MYO3A: variants seen among roughly 807,000 people sequenced by gnomAD.
MYO3A encodes myosin-IIIa.
MYO3A carries 180 observed loss-of-function variants against 192.7 expected under a neutral mutation model. The ratio of observed to expected loss-of-function variants is 0.93; its 90% CI spans 0.83 to 1.06. The LOEUF is 1.06. MYO3A is among the 50% of genes least tolerant of loss of function. The pLI, the probability that MYO3A is intolerant of heterozygous loss-of-function variation, is 0.00. For missense variants in MYO3A, 1,896 were observed against 1,905.0 expected, an observed-to-expected ratio of 1.00 and a Z score of 0.09; for synonymous variants, 628 against 645.3, an observed-to-expected ratio of 0.97 and a Z score of 0.41.
At chr10:25,935,534 A>G (rs1424403167) in intron 1 of MYO3A, among the ~76,000 whole-genome samples, 1 of 152,244 alleles carries the variant, frequency 6.6e-6, no homozygotes, top group East Asian at 1.9e-4. Context: ...CGGATCTGGT[A>G]GCTTGAGAGT....
At chr10:26,134,510 GTAT>G (rs1839736599) in intron 20 of MYO3A, among the ~76,000 whole-genome samples, 1 of 152,058 alleles carries the variant, frequency 6.6e-6, no homozygotes, top group Non-Finnish European at 1.5e-5. Flanking sequence ...TTTCATTAAA[GTAT>G]TATTAAAATA....
At chr10:26,178,950 A>T (rs181827178) in intron 31 of MYO3A, among the ~76,000 whole-genome samples, 3 of 145,848 alleles carry the variant, frequency 2.1e-5, no homozygotes, top group East Asian at 2.1e-4. Context: ...TCCAGGCGCC[A>T]GCCACCACGC....
intron 20 of MYO3A, among the ~76,000 whole-genome samples, chr10:26,130,172 T>C (rs557503178): frequency 6.6e-6 from 1 of 152,198 alleles, no homozygotes; most frequent in African/African-American, 2.4e-5. Context: ...TGGGGTGGTG[T>C]TGGCTGACTG....
rs562803670 is a variant in MYO3A at position 26,119,857 on chromosome 10, A to G, written c.1777-819A>G. On this transcript the variant is annotated intron_variant, in intron 17 of 34. Coordinates refer to ENST00000642920, the MANE Select transcript of MYO3A (RefSeq NM_017433.5). ...TAACTACTATAAACTCTATACTGTCATCTAAAATTCTTATGTGGCCTGGCA... is the reference window on the plus strand; with the variant it reads ...TAACTACTATAAACTCTATACTGTCGTCTAAAATTCTTATGTGGCCTGGCA... Among the ~76,000 whole-genome samples, 6 of 152,266 alleles carry G rather than the reference A, an allele frequency of 3.9e-5. No homozygotes were observed. In the South Asian group the frequency reaches 1.2e-3, roughly 32 times the overall value.
intron 10 of MYO3A, among the ~76,000 whole-genome samples, chr10:26,027,464 A>AC (rs901199995): frequency 3.6e-4 from 55 of 151,644 alleles, no homozygotes; most frequent in African/African-American, 1.1e-3. Flanking sequence ...CCTTCTTCAG[A>AC]CCCCCAAGTA....
At chr10:26,120,943 T>G in intron 18 of MYO3A, 141 bp downstream of exon 18, 1 of 1,104,440 alleles carries the variant, frequency 9.1e-7, no homozygotes. Context: ...TGTGTAAAAT[T>G]AAAATTTTAA....
intron 34 of MYO3A, among the ~76,000 whole-genome samples, chr10:26,210,025 C>G (rs961343380): frequency 6.8e-6 from 1 of 147,154 alleles, no homozygotes; most frequent in Non-Finnish European, 1.5e-5. Flanking sequence ...ATCAGTTGAG[C>G]TTTGGAGGTT....
chr10:25,971,426 T>A (rs919384773), intron 4 of MYO3A, among the ~76,000 whole-genome samples: 2 of 152,318 alleles, frequency 1.3e-5, no homozygotes, highest in African/African-American at 4.8e-5. Context: ...AATAAAATAA[T>A]TATCATTACT....
chr10:26,045,856 C>G (rs1843610866), intron 10 of MYO3A, among the ~76,000 whole-genome samples: 1 of 152,146 alleles, frequency 6.6e-6, no homozygotes, highest in Non-Finnish European at 1.5e-5. Context: ...ACAAGGTTGT[C>G]CATGCTTCAT....
In MYO3A at chr10:26,062,530, A is replaced by AAAAAAAAAAAAAAAAAAAACG. The variant is rs1554816581; in HGVS notation, c.954-4442_954-4441insAAAAAAAAAAAAAAAACGAAA. Among the ~76,000 whole-genome samples the AAAAAAAAAAAAAAAAAAAACG allele has an allele frequency of 1.8e-4, 23 of 125,990 alleles. 1 individual carries two copies. Among genetic ancestry groups the AAAAAAAAAAAAAAAAAAAACG allele is most frequent in the Admixed American group, 2.5e-4 (3 of 12,218 alleles). The allele number at this position is 125,990 out of a possible 152,430, so 82.7% of individuals were successfully genotyped here. On this transcript the variant is annotated intron_variant, in intron 10 of 34. Transcript: ENST00000642920. ...GATGCCATCTCAAAAAAAAAAAAAA[A>AAAAAAAAAAAAAAAAAAAACG]AAATTATGGAGGAATCTAATTAAGA...
chr10:26,052,702 A>T (rs1398526443), intron 10 of MYO3A, among the ~76,000 whole-genome samples: 1 of 152,212 alleles, frequency 6.6e-6, no homozygotes, highest in Non-Finnish European at 1.5e-5. Flanking sequence ...CTCCTTAATC[A>T]CCTTAGGTGA....
chr10:26,039,506 T>C (rs1263095459), intron 10 of MYO3A, among the ~76,000 whole-genome samples: 1 of 152,104 alleles, frequency 6.6e-6, no homozygotes. Context: ...AGTGAAGCCA[T>C]TGGGTCCCAG....
chr10:26,178,557 A>G (rs1267487357), intron 31 of MYO3A, among the ~76,000 whole-genome samples: 2 of 151,496 alleles, frequency 1.3e-5, no homozygotes, highest in African/African-American at 4.8e-5. Context: ...TGTCTCAAAA[A>G]AAAAAAAAGC....
intron 14 of MYO3A, among the ~76,000 whole-genome samples, chr10:26,078,452 G>C (rs1835733562): frequency 6.6e-6 from 1 of 151,882 alleles, no homozygotes; most frequent in Non-Finnish European, 1.5e-5. Context: ...CAAAGAACCA[G>C]CTTTTTGTTT....
chr10:26,167,553 T>C (rs1035979455), intron 27 of MYO3A, among the ~76,000 whole-genome samples: 15 of 152,232 alleles, frequency 9.9e-5, no homozygotes, highest in African/African-American at 3.6e-4. Flanking sequence ...GATATTTAAG[T>C]AGCATTTTAA....
intron 17 of MYO3A, among the ~76,000 whole-genome samples, chr10:26,105,672 T>G (rs1837753839): frequency 6.6e-6 from 1 of 152,142 alleles, no homozygotes; most frequent in Admixed American, 6.5e-5. Flanking sequence ...TTTTGTCATA[T>G]TTGTTTACCA....
chr10:26,000,677 C>CT (rs11311143), intron 6 of MYO3A, among the ~76,000 whole-genome samples: 21 of 148,312 alleles, frequency 1.4e-4, no homozygotes, highest in East Asian at 4.0e-4. Context: ...GTGAGATGAG[C>CT]TTTTTTTTTT....
At chr10:26,145,786 A>C in intron 22 of MYO3A, among the ~76,000 whole-genome samples, 1 of 152,236 alleles carries the variant, frequency 6.6e-6, no homozygotes, top group African/African-American at 2.4e-5. Context: ...AGAGGTTAAA[A>C]GAAAAGTCTT....
At chr10:26,186,986 A>G (rs1368028206) in intron 31 of MYO3A, among the ~76,000 whole-genome samples, 2 of 152,164 alleles carry the variant, frequency 1.3e-5, no homozygotes, top group East Asian at 3.8e-4. Flanking sequence ...CAAGAGCTTT[A>G]TTACTTATTT....
Sources: gnomAD v4.1 joint callset for allele counts (sites outside exome capture counted in the v4.1 genomes callset) on GRCh38, gnomAD v4.1.1 for gene constraint, MANE v1.5 for transcripts, NCBI Gene and HGNC (gene_info 2026-07-23, HGNC 2026-07-21) for gene names.